Variants in VIP observed in about 807,000 individuals in gnomAD.
VIP encodes the protein vasoactive intestinal peptide.
A neutral mutation model predicts 20.1 loss-of-function variants in VIP; 18 were observed. That is an observed-to-expected ratio of 0.90 (90% CI 0.62 to 1.33). VIP has a LOEUF of 1.33. VIP is among the 40% of genes most tolerant of loss of function. VIP has a pLI of 0.00. For synonymous variants in VIP, 70 were observed against 68.1 expected (o/e 1.03, Z -0.14); for missense variants, 209 against 199.4 (o/e 1.05, Z -0.29).
intron 4 of VIP, 52 bp downstream of exon 4, chr6:152,755,425 A>T: frequency 8.6e-7 from 1 of 1,160,226 alleles, no homozygotes; most frequent in Non-Finnish European, 1.2e-6. Flanking sequence ...TTCAATCTGA[A>T]TATTGTATTT....
chr6:152,751,691 T>C (rs893648989), intron 1 of VIP, among the ~76,000 whole-genome samples: 2 of 152,136 alleles, frequency 1.3e-5, no homozygotes, highest in African/African-American at 4.8e-5. Context: ...ATTATATGTA[T>C]ATATACACAT....
chr6:152,756,486 G>A (rs1428870852), intron 5 of VIP, among the ~76,000 whole-genome samples: 2 of 151,782 alleles, frequency 1.3e-5, no homozygotes, highest in African/African-American at 2.4e-5. Context: ...TCGGTGGTGT[G>A]GCCCTAGACA....
Position 152,756,133 on chromosome 6 carries a change from G to GAAGGAACATCT in VIP, c.336-1_336insAAGGAACATCT (p.Ser112ArgfsTer36). 1.9e-6 allele frequency: 3 copies of GAAGGAACATCT among 1,555,186 alleles called. No homozygotes were observed. Among genetic ancestry groups the GAAGGAACATCT allele is most frequent in the Non-Finnish European group, 2.6e-6 (3 of 1,152,580 alleles). On this transcript the variant is annotated frameshift_variant and splice_region_variant. Transcript: ENST00000367244. LOFTEE classifies it high-confidence loss of function. The stretch of plus-strand genomic sequence containing the variant: ...GATTTCCTTTTCCTCATGTTCCTTA[G>GAAGGAACATCT]CAGTAACATCTCAGAAGACCCTGTA...
chr6:152,755,870 C>T (rs890608874), intron 4 of VIP, among the ~76,000 whole-genome samples: 13 of 151,442 alleles, frequency 8.6e-5, no homozygotes, highest in African/African-American at 3.2e-4. Context: ...TCAGCTATTC[C>T]CAAATTTTTA....
chr6:152,754,440 T>G (rs1031305504), intron 3 of VIP, 152 bp downstream of exon 3: 5 of 722,130 alleles, frequency 6.9e-6, no homozygotes, highest in Non-Finnish European at 1.1e-5. Context: ...CATCCTGATT[T>G]ACTGCAGATC....
At chr6:152,757,071 T>G in intron 5 of VIP, 25 bp from the exon 6 acceptor site, 1 of 1,610,278 alleles carries the variant, frequency 6.2e-7, no homozygotes, top group Non-Finnish European at 8.5e-7. Flanking sequence ...AGCCTTAATA[T>G]GTACAATGTT....
rs542731750 is a variant in VIP, at chr6:152,759,758, G to A, written c.*892G>A. 1.3e-5 allele frequency: 2 copies of A among 151,964 alleles called. No individual in the cohort carries two copies. Among genetic ancestry groups the A allele is most frequent in the East Asian group, 1.9e-4 (1 of 5,162 alleles). The allele number at this position is 151,964 out of a possible 1,614,324, so 9.4% of individuals were successfully genotyped here. On this transcript the variant is annotated 3_prime_UTR_variant, in exon 7 of 7. Transcript: ENST00000367244. The stretch of plus-strand genomic sequence containing the variant: ...GAAAATAAAGACCTTGCTTATGATT[G>A]CAGATAATTTTTTTGTTTGATTATT...
intron 5 of VIP, among the ~76,000 whole-genome samples, 177 bp downstream of exon 5, chr6:152,756,442 T>G (rs1338152466): frequency 1.3e-5 from 2 of 151,856 alleles, no homozygotes; most frequent in Admixed American, 6.6e-5. Flanking sequence ...TGTCTGGGCC[T>G]TCTCCCAAAC....
chr6:152,753,685 GAGA>G (rs1257185625), intron 2 of VIP, among the ~76,000 whole-genome samples: 1 of 152,032 alleles, frequency 6.6e-6, no homozygotes, highest in Non-Finnish European at 1.5e-5. Context: ...TCGAGAGAGA[GAGA>G]AGCAGTTAAT....
At chr6:152,751,703 A>G (rs1009425462) in intron 1 of VIP, among the ~76,000 whole-genome samples, 2 of 152,166 alleles carry the variant, frequency 1.3e-5, no homozygotes, top group Non-Finnish European at 2.9e-5. Context: ...TATACACATT[A>G]TATTTATACA....
chr6:152,756,692 TAATC>T (rs2099730474), intron 5 of VIP, among the ~76,000 whole-genome samples: 1 of 152,060 alleles, frequency 6.6e-6, no homozygotes, highest in South Asian at 2.1e-4. Flanking sequence ...TACTGTTATT[TAATC>T]AAATTAAACC....
chr6:152,756,783 A>C (rs1011336035), intron 5 of VIP, among the ~76,000 whole-genome samples: 2 of 151,920 alleles, frequency 1.3e-5, no homozygotes, highest in Non-Finnish European at 2.9e-5. Flanking sequence ...ACAATACATA[A>C]ACAGTGTAGT....
At position 152,758,960 on chromosome 6, in the gene VIP, T is replaced by A. The variant is rs559360241; in HGVS notation, c.*94T>A. 3.3e-5 allele frequency: 5 copies of A among 152,544 alleles called. No individual in the cohort carries two copies. Among genetic ancestry groups the A allele is most frequent in the African/African-American group, 1.2e-4 (5 of 41,550 alleles). The allele number at this position is 152,544 out of a possible 1,614,324, so 9.4% of individuals were successfully genotyped here. On this transcript the variant is annotated 3_prime_UTR_variant, in exon 7 of 7. Transcript: ENST00000367244. ...ACATAATTAAATTTTGAGTTCTACA[T>A]AAGTAATTCAAGAAAACAACTTCAA...
At chr6:152,752,096 T>C in intron 1 of VIP, 72 bp from the exon 2 acceptor site, 1 of 1,089,732 alleles carries the variant, frequency 9.2e-7, no homozygotes. Flanking sequence ...TGAAAATTAC[T>C]GCTAGACAAT....
rs73783322 is a variant in VIP at position 152,757,658 on chromosome 6, C to G, written c.*43+474C>G. 5.1e-3 allele frequency among the ~76,000 whole-genome samples: 777 copies of G among 152,040 alleles called. 6 individuals are homozygous for G. The highest frequency in any genetic ancestry group is 0.018 in the African/African-American group (730 of 41,514). ...ATTACTATGAAAATATCAAGGCATT[C>G]TGGGTCTAACTATATTCCTTGAAAC... On this transcript the variant is annotated intron_variant, in intron 6 of 6. Coordinates refer to ENST00000367244, the MANE Select transcript of VIP (RefSeq NM_003381.4).
At position 152,759,227 on chromosome 6, in the gene VIP, A is replaced by C. The variant is rs1190032165; in HGVS notation, c.*361A>C. On this transcript the variant is annotated 3_prime_UTR_variant, in exon 7 of 7. Coordinates refer to ENST00000367244, the MANE Select transcript of VIP (RefSeq NM_003381.4). ...GTTTTTGGAAGAGTAGTAATAGAGC[A>C]AAATTGATGTGTTTATTTATAGAGT... 1 of 152,062 alleles carries C rather than the reference A, an allele frequency of 6.6e-6. No homozygotes were observed. The highest frequency in any genetic ancestry group is 1.5e-5 in the Non-Finnish European group (1 of 67,972). The allele number at this position is 152,062 out of a possible 1,614,324, so 9.4% of individuals were successfully genotyped here.
At chr6:152,758,222 C>A (rs945001257) in intron 6 of VIP, among the ~76,000 whole-genome samples, 1 of 151,960 alleles carries the variant, frequency 6.6e-6, no homozygotes, top group African/African-American at 2.4e-5. Context: ...AAAGGCAATT[C>A]ATGGCCTTAC....
At chr6:152,758,020 G>A (rs920040993) in intron 6 of VIP, among the ~76,000 whole-genome samples, 1 of 151,954 alleles carries the variant, frequency 6.6e-6, no homozygotes, top group African/African-American at 2.4e-5. Context: ...AAATATGTTT[G>A]GCTTTGTGAG....
chr6:152,754,387 C>T (rs1386597923), intron 3 of VIP, 99 bp downstream of exon 3: 12 of 1,178,380 alleles, frequency 1.0e-5, no homozygotes, highest in Middle Eastern at 3.0e-4. Context: ...GAAGCTATTC[C>T]GATAGCAAAA....
Sources: allele counts gnomAD v4.1 joint callset (sites outside exome capture counted in the v4.1 genomes callset), GRCh38; gene constraint gnomAD v4.1.1; transcripts MANE v1.5; gene names NCBI Gene and HGNC (gene_info 2026-07-23, HGNC 2026-07-21).